TMEM132D: variants seen among roughly 807,000 people sequenced by gnomAD.
The protein encoded by TMEM132D is transmembrane protein 132D.
TMEM132D carries 21 observed loss-of-function variants against 62.3 expected under a neutral mutation model. The ratio of observed to expected loss-of-function variants is 0.34; its 90% confidence interval spans 0.24 to 0.49. The LOEUF (loss-of-function observed/expected upper bound fraction) is 0.49. Ranked by LOEUF, TMEM132D falls within the 20% of genes least tolerant of loss-of-function variation. TMEM132D has a pLI of 0.99. For missense variants in TMEM132D, 1,346 were observed against 1,402.8 expected (o/e 0.96, Z 0.65); for synonymous variants, 621 against 575.6 (o/e 1.08, Z -1.13).
chr12:129,859,515 G>C (rs535712816), intron 1 of TMEM132D, among the ~76,000 whole-genome samples: 1 of 152,302 alleles, frequency 6.6e-6, no homozygotes, highest in South Asian at 2.1e-4. Flanking sequence ...AGCTGGTAAA[G>C]TATCATTTCT....
At chr12:129,819,011 G>A (rs1435204716) in intron 1 of TMEM132D, among the ~76,000 whole-genome samples, 1 of 151,796 alleles carries the variant, frequency 6.6e-6, no homozygotes, top group African/African-American at 2.4e-5. Context: ...CTCCAGACTG[G>A]GTGACAGAGT....
chr12:129,580,755 A>AGTC (rs1565911117), intron 2 of TMEM132D, among the ~76,000 whole-genome samples: 2 of 151,774 alleles, frequency 1.3e-5, no homozygotes, highest in Non-Finnish European at 2.9e-5. Context: ...ATAAATAAAT[A>AGTC]AATCACTGTC....
At chr12:129,771,716 C>A (rs1253158357) in intron 1 of TMEM132D, among the ~76,000 whole-genome samples, 1 of 152,214 alleles carries the variant, frequency 6.6e-6, no homozygotes, top group Non-Finnish European at 1.5e-5. Flanking sequence ...ATTGGGTAAT[C>A]CCGGTTAACA....
At chr12:129,199,446 T>C (rs1325976342) in intron 5 of TMEM132D, among the ~76,000 whole-genome samples, 1 of 152,176 alleles carries the variant, frequency 6.6e-6, no homozygotes, top group Non-Finnish European at 1.5e-5. Context: ...AATAATCCAC[T>C]AACAATTCTA....
intron 1 of TMEM132D, among the ~76,000 whole-genome samples, chr12:129,789,225 TCCC>T (rs1190953754): frequency 5.3e-5 from 8 of 151,554 alleles, no homozygotes; most frequent in African/African-American, 1.7e-4. Flanking sequence ...GTCCCACCCA[TCCC>T]CCCGAGTCCT....
chr12:129,401,545 G>A (rs1405713847), intron 3 of TMEM132D, among the ~76,000 whole-genome samples: 1 of 152,086 alleles, frequency 6.6e-6, no homozygotes, highest in Non-Finnish European at 1.5e-5. Context: ...CTCCAGCCTG[G>A]GTGACAGAGC....
chr12:129,278,124 A>G (rs1375810352), intron 4 of TMEM132D, among the ~76,000 whole-genome samples: 1 of 152,170 alleles, frequency 6.6e-6, no homozygotes, highest in Non-Finnish European at 1.5e-5. Context: ...CATAAGCCCC[A>G]AGCTCCCAAC....
At chr12:129,517,740 C>T (rs1875724701) in intron 3 of TMEM132D, among the ~76,000 whole-genome samples, 1 of 152,198 alleles carries the variant, frequency 6.6e-6, no homozygotes, top group African/African-American at 2.4e-5. Context: ...GTTTCTTAGG[C>T]TCATAAGCCC....
intron 1 of TMEM132D, among the ~76,000 whole-genome samples, chr12:129,711,119 C>A (rs1250765291): frequency 6.6e-6 from 1 of 152,336 alleles, no homozygotes; most frequent in African/African-American, 2.4e-5. Context: ...TCACAAGCAT[C>A]CAAAACTTGA....
At chr12:129,775,349 G>A (rs1315099796) in intron 1 of TMEM132D, among the ~76,000 whole-genome samples, 3 of 152,172 alleles carry the variant, frequency 2.0e-5, no homozygotes, top group Non-Finnish European at 2.9e-5. Flanking sequence ...CAGATGACAA[G>A]CAGCGACCTT....
intron 5 of TMEM132D, among the ~76,000 whole-genome samples, chr12:129,129,884 A>T (rs913193712): frequency 6.6e-6 from 1 of 152,004 alleles, no homozygotes; most frequent in Admixed American, 6.6e-5. Context: ...TCCCTACAGC[A>T]TTATTGATTA....
At chr12:129,236,310 T>C (rs1394232221) in intron 4 of TMEM132D, among the ~76,000 whole-genome samples, 1 of 150,212 alleles carries the variant, frequency 6.7e-6, no homozygotes, top group African/African-American at 2.5e-5. Context: ...AGGTCAGGAG[T>C]TCAAGACCAG....
At chr12:129,370,113 T>A (rs2135680285) in intron 3 of TMEM132D, among the ~76,000 whole-genome samples, 1 of 152,364 alleles carries the variant, frequency 6.6e-6, no homozygotes, top group South Asian at 2.1e-4. Context: ...GTCACAAATC[T>A]AGTTCTCAAA....
intron 4 of TMEM132D, among the ~76,000 whole-genome samples, chr12:129,226,531 G>A (rs1402703594): frequency 2.9e-4 from 44 of 152,206 alleles, no homozygotes; most frequent in Admixed American, 2.9e-3. Flanking sequence ...GGCCTTGGAG[G>A]TGGTAATGGT....
At chr12:129,657,650 A>G (rs1340394705) in intron 2 of TMEM132D, among the ~76,000 whole-genome samples, 2 of 152,208 alleles carry the variant, frequency 1.3e-5, no homozygotes, top group East Asian at 1.9e-4. Context: ...TGGCAAACAC[A>G]ATGGGCCATT....
chr12:129,126,943 T>G (rs560469108), intron 5 of TMEM132D, among the ~76,000 whole-genome samples: 1 of 152,214 alleles, frequency 6.6e-6, no homozygotes, highest in Non-Finnish European at 1.5e-5. Flanking sequence ...TCTTCAGTGA[T>G]GTTGGGCATG....
At chr12:129,608,584 T>C (rs1878688449) in intron 2 of TMEM132D, among the ~76,000 whole-genome samples, 1 of 152,192 alleles carries the variant, frequency 6.6e-6, no homozygotes, top group South Asian at 2.1e-4. Flanking sequence ...TTCTCCTTGA[T>C]ATCCACTGTT....
intron 1 of TMEM132D, among the ~76,000 whole-genome samples, chr12:129,839,473 G>T (rs987570866): frequency 6.6e-6 from 1 of 150,632 alleles, no homozygotes; most frequent in African/African-American, 2.4e-5. Context: ...ATGTTGGCCA[G>T]GCTAGTCTTG....
intron 5 of TMEM132D, chr12:129,113,330 G>A (rs1875784446): frequency 6.6e-6 from 1 of 152,154 alleles, no homozygotes; most frequent in African/African-American, 2.4e-5. Flanking sequence ...TTTCTGTCCA[G>A]GGGGCAGATG....
Sources: gnomAD v4.1 joint callset for allele counts (sites outside exome capture counted in the v4.1 genomes callset) on GRCh38, gnomAD v4.1.1 for gene constraint, MANE v1.5 for transcripts, NCBI Gene and HGNC (gene_info 2026-07-23, HGNC 2026-07-21) for gene names.